PSME3IP1: variants seen among roughly 807,000 people sequenced by gnomAD.
PSME3IP1 encodes the protein proteasome activator subunit 3 interacting protein 1, also known as PSME3-interacting protein.
A neutral mutation model predicts 34.1 loss-of-function variants in PSME3IP1; 13 were observed. The observed-to-expected ratio is 0.38, with a 90% CI of 0.25 to 0.61. The LOEUF is 0.61. Ranked by LOEUF, PSME3IP1 falls within the 20% of genes least tolerant of loss-of-function variation. The pLI, the probability that PSME3IP1 is intolerant of heterozygous loss-of-function variation, is 0.60. For synonymous variants in PSME3IP1, 93 were observed against 114.3 expected (o/e 0.81, Z 1.19); for missense variants, 237 against 301.4 (o/e 0.79, Z 1.58).
chr16:57,178,450 C>T lies in PSME3IP1; in HGVS notation c.-15-4581G>A, dbSNP rs916578432. On this transcript the variant is annotated intron_variant, in intron 1 of 6. Coordinates refer to ENST00000309137, the MANE Select transcript of PSME3IP1 (RefSeq NM_024946.4). ...CCAACAGCTCTTTGTCTCCACAGTG[C>T]TTATTATTATTAGCACAGTGTCTGG... The T allele has an allele frequency of 1.5e-5, 10 of 674,020 alleles. No individual in the cohort carries two copies. In the Admixed American group the frequency reaches 1.9e-4, roughly 13 times the overall value. The allele number at this position is 674,020 out of a possible 1,614,324, so 41.8% of individuals were successfully genotyped here.
rs1265348831 is a variant in PSME3IP1, at chr16:57,170,894, G to A, written c.348+1357C>T. On this transcript the variant is annotated intron_variant, in intron 4 of 6. Transcript: ENST00000309137. ...TCGAGACCAGCCTGACCAATATGAT[G>A]AAACCTCGTCTCTACTAAAAATACA... Among the ~76,000 whole-genome samples the A allele has an allele frequency of 4.6e-5, 7 of 152,282 alleles. No homozygotes were observed. In the East Asian group the frequency reaches 1.4e-3, roughly 29 times the overall value.
Position 57,154,262 on chromosome 16 carries a change from A to AG in PSME3IP1, c.*27dup. 2 of 1,596,496 alleles carry AG rather than the reference A, an allele frequency of 1.3e-6. No individual in the cohort carries two copies. The highest frequency in any genetic ancestry group is 1.7e-5 in the Admixed American group (1 of 59,924). On this transcript the variant is annotated 3_prime_UTR_variant, in exon 7 of 7. Coordinates refer to ENST00000309137, the MANE Select transcript of PSME3IP1 (RefSeq NM_024946.4). This position sits in a 1 kb window ranked among gnomAD's most constrained non-coding sequence, Gnocchi z 4.0. ...TGAACGGTCCGATCTACCCTTGGGG[A>AG]GGAGCTCCCTGTGTAGGGACGGAGA...
chr16:57,165,138 G>A (rs1231614418), intron 5 of PSME3IP1, among the ~76,000 whole-genome samples: 1 of 151,262 alleles, frequency 6.6e-6, no homozygotes, highest in Non-Finnish European at 1.5e-5. Context: ...ATATTTTGCA[G>A]CCTCTAAGAC....
At chr16:57,161,702 C>CG (rs1364007102) in intron 6 of PSME3IP1, among the ~76,000 whole-genome samples, 1 of 151,716 alleles carries the variant, frequency 6.6e-6, no homozygotes, top group Admixed American at 6.6e-5. Context: ...TTAGTAGAGA[C>CG]GGGGTTTCAC....
chr16:57,172,663 G>A, intron 3 of PSME3IP1, 113 bp downstream of exon 3: 1 of 894,406 alleles, frequency 1.1e-6, no homozygotes, highest in African/African-American at 1.6e-5. Flanking sequence ...AGCATCCGGA[G>A]ACTCGAAAAT....
At position 57,163,139 on chromosome 16, in the gene PSME3IP1, T is replaced by C. The variant is rs183817244; in HGVS notation, c.547+862A>G. 1.3e-3 allele frequency among the ~76,000 whole-genome samples: 203 copies of C among 151,986 alleles called. 4 individuals carry two copies. The East Asian group carries it at 0.03, about 22-fold the overall frequency. On this transcript the variant is annotated intron_variant, in intron 6 of 6. Transcript: ENST00000309137. ...GAGATTGAGCCACTGCACTCCAGCC[T>C]GGGTGACAGAGTGAGACTCCATCTC...
In PSME3IP1 at chr16:57,154,413, G is replaced by A. The variant is rs202104549; in HGVS notation, c.642C>T (p.Gly214=). 6.2e-7 allele frequency: 1 copy of A among 1,614,118 alleles called. No individual in the cohort carries two copies. Among genetic ancestry groups the A allele is most frequent in the East Asian group, 2.2e-5 (1 of 44,866 alleles). ...CGCTGCTCCCAGAGTAGGCACCCAGGCCTGGGAGGATGCCGATACATACTG... is the reference window on the plus strand; with the variant it reads ...CGCTGCTCCCAGAGTAGGCACCCAGACCTGGGAGGATGCCGATACATACTG... ...SAAVCIGILP[G]LGAYSGSSDS... Residue 214 remains glycine, a synonymous_variant, in exon 7 of 7, where the codon GGC becomes GGT. Coordinates refer to ENST00000309137, the MANE Select transcript of PSME3IP1 (RefSeq NM_024946.4). The surrounding 1 kb of genome is among the most constrained non-coding windows in gnomAD (Gnocchi z 4.0).
chr16:57,152,961 C>T lies in PSME3IP1; in HGVS notation c.*1329G>A, dbSNP rs1442220125. 1 of 152,682 alleles carries T rather than the reference C, an allele frequency of 6.5e-6. No homozygotes were observed. Among genetic ancestry groups the T allele is most frequent in the African/African-American group, 2.4e-5 (1 of 41,462 alleles). The allele number at this position is 152,682 out of a possible 1,614,324, so 9.5% of individuals were successfully genotyped here. On this transcript the variant is annotated 3_prime_UTR_variant, in exon 7 of 7. Transcript: ENST00000309137. The stretch of plus-strand genomic sequence containing the variant: ...ATGTTCAAAGTCAGTAGCTGCTCTG[C>T]CTGCCGGCATCACAGTGTCAACACA...
intron 5 of PSME3IP1, among the ~76,000 whole-genome samples, chr16:57,165,156 T>G (rs1401856052): frequency 6.7e-6 from 1 of 149,112 alleles, no homozygotes; most frequent in African/African-American, 2.4e-5. Flanking sequence ...GACACTGTTA[T>G]ATATATATAT....
At chr16:57,171,101 C>T (rs1183409523) in intron 4 of PSME3IP1, among the ~76,000 whole-genome samples, 2 of 151,942 alleles carry the variant, frequency 1.3e-5, no homozygotes, top group Non-Finnish European at 2.9e-5. Flanking sequence ...TTACCGACAG[C>T]AATTTTAGGT....
chr16:57,173,675 C>G, intron 2 of PSME3IP1, 53 bp downstream of exon 2: 1 of 1,600,970 alleles, frequency 6.2e-7, no homozygotes, highest in South Asian at 1.1e-5. Context: ...AATACCTACT[C>G]TGCAGGGTTG....
At chr16:57,163,948 C>T in intron 6 of PSME3IP1, 53 bp downstream of exon 6, 1 of 1,523,364 alleles carries the variant, frequency 6.6e-7, no homozygotes, top group Non-Finnish European at 9.1e-7. Context: ...CAGCCCTTTA[C>T]TGTGGTTCAT....
chr16:57,175,108 A>G (rs2073055796), intron 1 of PSME3IP1, among the ~76,000 whole-genome samples: 1 of 149,780 alleles, frequency 6.7e-6, no homozygotes, highest in African/African-American at 2.5e-5. Flanking sequence ...TCCGCCTCCC[A>G]GGTTCAAGCG....
chr16:57,154,402 T>C lies in PSME3IP1; in HGVS notation c.653A>G (p.Tyr218Cys). ...CIGILPGLGA[Y>C]SGSSDSESSS... is the part of the protein sequence containing the mutation. ...GGACTCGGAGTCGCTGCTCCCAGAG[T>C]AGGCACCCAGGCCTGGGAGGATGCC... The change falls in exon 7 of 7, where the codon TAC becomes TGC. Residue 218 changes from tyrosine to cysteine, a missense_variant. Physicochemically the swap from Tyr to Cys is radical, Grantham distance 194. Coordinates refer to ENST00000309137, the MANE Select transcript of PSME3IP1 (RefSeq NM_024946.4). This position sits in a 1 kb window ranked among gnomAD's most constrained non-coding sequence, Gnocchi z 4.0. 1 of 1,613,554 alleles carries C rather than the reference T, an allele frequency of 6.2e-7. No homozygotes were observed. Among genetic ancestry groups the C allele is most frequent in the Non-Finnish European group, 8.5e-7 (1 of 1,179,874 alleles).
intron 5 of PSME3IP1, among the ~76,000 whole-genome samples, chr16:57,166,664 C>T (rs367676298): frequency 3.3e-5 from 5 of 152,312 alleles, no homozygotes; most frequent in African/African-American, 1.2e-4. Flanking sequence ...CTCACTACCT[C>T]ATTTTTCTAG....
chr16:57,182,802 C>G (rs113010062), intron 1 of PSME3IP1, among the ~76,000 whole-genome samples: 1 of 151,736 alleles, frequency 6.6e-6, no homozygotes, highest in African/African-American at 2.4e-5. Context: ...CCCAGCTACT[C>G]GGGAGGCTGA....
chr16:57,167,003 G>A (rs1027281124), intron 5 of PSME3IP1, 90 bp downstream of exon 5: 76 of 1,489,854 alleles, frequency 5.1e-5, no homozygotes, highest in Non-Finnish European at 6.7e-5. Flanking sequence ...GGACTCACGC[G>A]AGGCAAGCGT....
At position 57,154,424 on chromosome 16, in the gene PSME3IP1, T is replaced by C. The variant is rs771049188; in HGVS notation, c.631A>G (p.Ile211Val). ...GAGTAGGCACCCAGGCCTGGGAGGA[T>C]GCCGATACATACTGCAGCAGAGGGG... ...HCPSAAVCIG[I>V]LPGLGAYSGS... Residue 211 changes from isoleucine to valine, a missense_variant, in exon 7 of 7, where the codon ATC becomes GTC. By Grantham distance (29) the Ile-to-Val change is conservative. Coordinates refer to ENST00000309137, the MANE Select transcript of PSME3IP1 (RefSeq NM_024946.4). The surrounding 1 kb of genome is among the most constrained non-coding windows in gnomAD (Gnocchi z 4.0). 6.2e-7 allele frequency: 1 copy of C among 1,613,972 alleles called. No individual in the cohort carries two copies. The highest frequency in any genetic ancestry group is 8.5e-7 in the Non-Finnish European group (1 of 1,179,978).
intron 6 of PSME3IP1, among the ~76,000 whole-genome samples, chr16:57,161,851 A>G (rs1226645959): frequency 6.6e-6 from 1 of 152,076 alleles, no homozygotes. Flanking sequence ...TTTTGAGACA[A>G]TTGGAGAAAA....
Sources: allele counts gnomAD v4.1 joint callset (sites outside exome capture counted in the v4.1 genomes callset), GRCh38; gene constraint gnomAD v4.1.1; non-coding constraint Gnocchi (gnomAD v3.1); transcripts MANE v1.5; gene names NCBI Gene and HGNC (gene_info 2026-07-23, HGNC 2026-07-21).